Variants in TMEM74 observed in about 807,000 individuals in gnomAD.
The protein encoded by TMEM74 is transmembrane protein 74.
A neutral mutation model predicts 18.1 loss-of-function variants in TMEM74; 13 were observed. That is an observed-to-expected ratio of 0.72 (90% CI 0.47 to 1.14). TMEM74 has a LOEUF of 1.14. Among genes scored for constraint, TMEM74 ranks in the 50% most tolerant of loss-of-function variants. The probability of loss-of-function intolerance (pLI) is 0.00; values close to 1 mark genes in which losing one functional copy is unlikely to be tolerated. For missense variants in TMEM74, 372 were observed against 375.9 expected, an observed-to-expected ratio of 0.99 and a Z score of 0.09; for synonymous variants, 159 against 146.6, an observed-to-expected ratio of 1.08 and a Z score of -0.61.
chr8:108,626,443 T>G (rs1313410228), intron 2 of TMEM74: 4 of 152,028 alleles, frequency 2.6e-5, no homozygotes. Context: ...GTTGCAGTAT[T>G]AATGTTTGCC....
chr8:108,733,568 G>C (rs776463830), intron 1 of TMEM74, among the ~76,000 whole-genome samples: 40 of 152,094 alleles, frequency 2.6e-4, no homozygotes, highest in Non-Finnish European at 5.0e-4. Context: ...TAACAATGTA[G>C]TTTACATAAG....
chr8:108,760,187 G>GGA lies in TMEM74; in HGVS notation n.119+27287_119+27288dup, dbSNP rs1181537099. 3.2e-3 allele frequency among the ~76,000 whole-genome samples: 464 copies of GGA among 144,584 alleles called. 1 individual carries two copies. Among genetic ancestry groups the GGA allele is most frequent in the African/African-American group, 9.6e-3 (378 of 39,208 alleles). The allele number at this position is 144,584 out of a possible 152,430, so 94.9% of individuals were successfully genotyped here. A position where few individuals can be genotyped will look rare whatever the true frequency, so the allele number is the denominator to read the frequency against. The stretch of plus-strand genomic sequence containing the variant: ...GAGAGAGAGAGAGGGAGAGAGAGAG[G>GGA]GAGAGAGAGAGAGAGAGACTTCCAC... On this transcript the variant is annotated intron_variant and non_coding_transcript_variant, in intron 1 of 3. Transcript: ENST00000518838.
chr8:108,708,613 G>A lies in TMEM74; in HGVS notation n.120-53176C>T, dbSNP rs117189373. On this transcript the variant is annotated intron_variant and non_coding_transcript_variant, in intron 1 of 3. Coordinates refer to the TMEM74 transcript ENST00000518838. ...TGGTATTGGTTTGCATTTCTCTAAT[G>A]GTTAATGTTTAGCATTTTTTCATAT... is the stretch of plus-strand genomic sequence containing the variant. 8.8e-4 allele frequency among the ~76,000 whole-genome samples: 133 copies of A among 151,832 alleles called. No homozygotes were observed. The East Asian group carries it at 0.022, about 25-fold the overall frequency.
intron 1 of TMEM74, among the ~76,000 whole-genome samples, chr8:108,705,744 C>T (rs996664106): frequency 6.6e-5 from 10 of 152,254 alleles, no homozygotes; most frequent in African/African-American, 1.7e-4. Context: ...ACATAACACA[C>T]ATGAGTTGTA....
At chr8:108,749,378 C>T (rs564927992) in intron 1 of TMEM74, among the ~76,000 whole-genome samples, 8 of 152,132 alleles carry the variant, frequency 5.3e-5, no homozygotes, top group African/African-American at 1.9e-4. Flanking sequence ...CTCTTGTTAT[C>T]TGTATTCCTA....
chr8:108,634,229 ACT>A (rs1387783218), intron 2 of TMEM74, among the ~76,000 whole-genome samples: 1 of 150,952 alleles, frequency 6.6e-6, no homozygotes, highest in East Asian at 2.0e-4. Context: ...ACAATAAAAA[ACT>A]CTCCTCCCCA....
At chr8:108,657,905 A>AAT (rs1396523170) in intron 1 of TMEM74, among the ~76,000 whole-genome samples, 46 of 117,704 alleles carry the variant, frequency 3.9e-4, no homozygotes, top group African/African-American at 1.5e-3. Context: ...TATATATATT[A>AAT]ATTACATATA....
chr8:108,772,566 G>A (rs1354007094), intron 1 of TMEM74, among the ~76,000 whole-genome samples: 5 of 152,170 alleles, frequency 3.3e-5, no homozygotes, highest in Non-Finnish European at 7.4e-5. Flanking sequence ...ATTTAAAGAA[G>A]GGAGAGATCA....
At chr8:108,748,288 T>A (rs1813871239) in intron 1 of TMEM74, among the ~76,000 whole-genome samples, 1 of 152,206 alleles carries the variant, frequency 6.6e-6, no homozygotes, top group Non-Finnish European at 1.5e-5. Context: ...CTCACTGTGG[T>A]TTTGATTGGC....
At chr8:108,667,970 C>T (rs1246914758) in intron 1 of TMEM74, among the ~76,000 whole-genome samples, 1 of 152,170 alleles carries the variant, frequency 6.6e-6, no homozygotes, top group Non-Finnish European at 1.5e-5. Flanking sequence ...AGTGGAATAA[C>T]TCTTGATTAA....
chr8:108,699,914 G>A (rs999567054), intron 1 of TMEM74, among the ~76,000 whole-genome samples: 7 of 152,180 alleles, frequency 4.6e-5, no homozygotes, highest in Admixed American at 4.6e-4. Flanking sequence ...TTTCACTGGT[G>A]TGAGGTAAAG....
chr8:108,661,367 C>T (rs1812897704), intron 1 of TMEM74, among the ~76,000 whole-genome samples: 2 of 146,850 alleles, frequency 1.4e-5, no homozygotes, highest in East Asian at 4.0e-4. Flanking sequence ...TTTTTCCTCT[C>T]CCTTGCAGCT....
intron 1 of TMEM74, among the ~76,000 whole-genome samples, chr8:108,713,435 C>T (rs1719930029): frequency 2.6e-5 from 4 of 152,016 alleles, no homozygotes; most frequent in Admixed American, 2.6e-4. Context: ...ATGTGCAAGA[C>T]CAGAAAGATG....
chr8:108,755,254 C>T (rs1006369966), intron 1 of TMEM74, among the ~76,000 whole-genome samples: 2 of 152,062 alleles, frequency 1.3e-5, no homozygotes, highest in African/African-American at 2.4e-5. Flanking sequence ...TTCCTCCAGT[C>T]AGTAATCCAA....
chr8:108,646,949 T>G (rs1812726319), intron 2 of TMEM74, among the ~76,000 whole-genome samples: 1 of 152,180 alleles, frequency 6.6e-6, no homozygotes, highest in Admixed American at 6.5e-5. Flanking sequence ...CATCTGTACA[T>G]TTCATTTTAG....
intron 1 of TMEM74, among the ~76,000 whole-genome samples, chr8:108,730,079 C>A (rs1359455018): frequency 1.3e-5 from 2 of 152,174 alleles, no homozygotes; most frequent in East Asian, 3.8e-4. Context: ...GAATAAAAGC[C>A]TTTGTGGGCA....
chr8:108,688,092 G>A (rs1813189462), intron 1 of TMEM74, among the ~76,000 whole-genome samples: 1 of 152,158 alleles, frequency 6.6e-6, no homozygotes, highest in Non-Finnish European at 1.5e-5. Flanking sequence ...TCAAATCGAA[G>A]TAGAAATGAG....
At chr8:108,689,902 T>A (rs190429957) in intron 1 of TMEM74, among the ~76,000 whole-genome samples, 8 of 152,294 alleles carry the variant, frequency 5.3e-5, no homozygotes, top group African/African-American at 1.9e-4. Context: ...AGCCACAGTA[T>A]TGTTTTTCTC....
chr8:108,639,485 T>C (rs753694579), intron 2 of TMEM74, among the ~76,000 whole-genome samples: 6 of 152,154 alleles, frequency 3.9e-5, no homozygotes, highest in Non-Finnish European at 5.9e-5. Flanking sequence ...TGTGTTCATA[T>C]ACATGTGTAC....
Sources: allele counts gnomAD v4.1 joint callset (sites outside exome capture counted in the v4.1 genomes callset), GRCh38; gene constraint gnomAD v4.1.1; transcripts MANE v1.5; gene names NCBI Gene and HGNC (gene_info 2026-07-23, HGNC 2026-07-21).